The following TMCC3 variants were observed in gnomAD, a reference collection of about 807,000 sequenced individuals.
TMCC3 encodes transmembrane and coiled-coil domain family 3.
In TMCC3, 28 loss-of-function variants were observed where a neutral mutation model predicts 40.2. The ratio of observed to expected loss-of-function variants is 0.70; its 90% CI spans 0.52 to 0.95. The LOEUF is 0.95. Ranked by LOEUF, TMCC3 falls within the 40% of genes least tolerant of loss-of-function variation. TMCC3 has a pLI of 0.00. For synonymous variants in TMCC3, 255 were observed against 248.5 expected, an observed-to-expected ratio of 1.03 and a Z score of -0.25; for missense variants, 554 against 615.2, an observed-to-expected ratio of 0.90 and a Z score of 1.05.
chr12:94,572,572 C>T (rs541528907), intron 3 of TMCC3, among the ~76,000 whole-genome samples: 76 of 148,462 alleles, frequency 5.1e-4, no homozygotes, highest in African/African-American at 1.9e-3. Flanking sequence ...TGGCCTCCCA[C>T]AGTGGTGGAA....
chr12:94,644,501 C>T (rs967510220), intron 1 of TMCC3: 22 of 925,706 alleles, frequency 2.4e-5, no homozygotes, highest in Non-Finnish European at 2.6e-5. Flanking sequence ...ATGTGACAGG[C>T]GGGTGAGCTG....
At chr12:94,640,868 G>C (rs1168283328) in intron 1 of TMCC3, among the ~76,000 whole-genome samples, 1 of 152,142 alleles carries the variant, frequency 6.6e-6, no homozygotes, top group Admixed American at 6.5e-5. Context: ...GGGATGTTGG[G>C]GGCAACGAGG....
At chr12:94,637,922 A>G (rs1285468975) in intron 1 of TMCC3, among the ~76,000 whole-genome samples, 1 of 152,212 alleles carries the variant, frequency 6.6e-6, no homozygotes. Flanking sequence ...ACTATGTCCA[A>G]TGCTCCATGC....
intron 2 of TMCC3, 38 bp downstream of exon 2, chr12:94,581,584 A>C: frequency 8.0e-7 from 1 of 1,254,694 alleles, no homozygotes; most frequent in Non-Finnish European, 1.0e-6. Context: ...TAAATAAATA[A>C]AAAATAAAAA....
chr12:94,621,919 T>A (rs763811973), intron 1 of TMCC3, among the ~76,000 whole-genome samples: 4 of 152,146 alleles, frequency 2.6e-5, no homozygotes, highest in Non-Finnish European at 5.9e-5. Context: ...CATGGTAAAG[T>A]GTCCAACGTC....
intron 1 of TMCC3, among the ~76,000 whole-genome samples, chr12:94,602,729 AG>A (rs1387583832): frequency 7.9e-5 from 12 of 152,280 alleles, no homozygotes; most frequent in African/African-American, 2.9e-4. Context: ...CCGAGGCTAC[AG>A]GAGTGCACCA....
At chr12:94,592,446 C>T (rs2068682178) in intron 1 of TMCC3, among the ~76,000 whole-genome samples, 1 of 149,798 alleles carries the variant, frequency 6.7e-6, no homozygotes, top group African/African-American at 2.5e-5. Context: ...TTGAGACCAG[C>T]CTGGCCTACA....
At chr12:94,603,305 C>T (rs572448795) in intron 1 of TMCC3, among the ~76,000 whole-genome samples, 14 of 152,070 alleles carry the variant, frequency 9.2e-5, no homozygotes, top group African/African-American at 3.1e-4. Context: ...TTAGTACAGA[C>T]GGGGTTTTGC....
intron 1 of TMCC3, among the ~76,000 whole-genome samples, chr12:94,622,266 T>C (rs918990836): frequency 6.6e-6 from 1 of 152,152 alleles, no homozygotes; most frequent in East Asian, 1.9e-4. Context: ...TTGGAAAGCA[T>C]CCAGCAAGCT....
chr12:94,619,859 A>T (rs774580220), intron 1 of TMCC3, among the ~76,000 whole-genome samples: 5 of 152,212 alleles, frequency 3.3e-5, no homozygotes, highest in Admixed American at 6.5e-5. Flanking sequence ...TTCTGTAAAG[A>T]CACATAAGAA....
At chr12:94,599,133 T>C (rs541119338) in intron 1 of TMCC3, among the ~76,000 whole-genome samples, 1 of 152,338 alleles carries the variant, frequency 6.6e-6, no homozygotes, top group Admixed American at 6.5e-5. Context: ...CAAGTTACTT[T>C]CTCTATGCTT....
chr12:94,643,011 T>C (rs2068999405), intron 1 of TMCC3, among the ~76,000 whole-genome samples: 1 of 151,838 alleles, frequency 6.6e-6, no homozygotes, highest in African/African-American at 2.4e-5. Flanking sequence ...GCCAACATAG[T>C]GAAACCCCGT....
In TMCC3 at chr12:94,594,218, C is replaced by T. The variant is rs113465489; in HGVS notation, c.79-11680G>A. On this transcript the variant is annotated intron_variant, in intron 1 of 3. Coordinates refer to ENST00000261226, the MANE Select transcript of TMCC3 (RefSeq NM_020698.4). ...ATTTAAATATATATATATATATATACACACACACACACACAGAGTGAGAGA... is the reference window on the plus strand; with the variant it reads ...ATTTAAATATATATATATATATATATACACACACACACACAGAGTGAGAGA... Among the ~76,000 whole-genome samples the T allele has an allele frequency of 9.9e-3, 1,082 of 108,826 alleles. 17 individuals carry two copies. Among genetic ancestry groups the T allele is most frequent in the African/African-American group, 0.036 (995 of 27,486 alleles). The allele number at this position is 108,826 out of a possible 152,430, so 71.4% of individuals were successfully genotyped here. A position where few individuals can be genotyped will look rare whatever the true frequency, so the allele number is the denominator to read the frequency against.
intron 1 of TMCC3, among the ~76,000 whole-genome samples, chr12:94,595,471 T>C (rs1394136580): frequency 6.6e-6 from 1 of 152,200 alleles, no homozygotes; most frequent in East Asian, 1.9e-4. Context: ...AGCCAGGAAA[T>C]AGCGTTTGGT....
intron 1 of TMCC3, among the ~76,000 whole-genome samples, chr12:94,650,141 C>T (rs1411606983): frequency 2.0e-5 from 3 of 152,100 alleles, no homozygotes; most frequent in Non-Finnish European, 2.9e-5. Flanking sequence ...GAGGGGCAGG[C>T]GGACCTGGGA....
intron 1 of TMCC3, among the ~76,000 whole-genome samples, chr12:94,584,001 C>T (rs1407797430): frequency 6.6e-6 from 1 of 152,036 alleles, no homozygotes; most frequent in African/African-American, 2.4e-5. Context: ...AGACAATATT[C>T]AGCATGTTAC....
intron 1 of TMCC3, 76 bp from the exon 2 acceptor site, chr12:94,582,614 A>C (rs956313436): frequency 2.3e-6 from 3 of 1,300,488 alleles, no homozygotes; most frequent in Non-Finnish European, 3.2e-6. Flanking sequence ...CTATGCACAT[A>C]CAAGATACAT....
intron 2 of TMCC3, among the ~76,000 whole-genome samples, chr12:94,579,110 G>C (rs1439666584): frequency 1.3e-5 from 2 of 152,206 alleles, no homozygotes; most frequent in Non-Finnish European, 2.9e-5. Flanking sequence ...ATTATAGATG[G>C]TTCATCATGC....
At chr12:94,600,910 C>A (rs774585908) in intron 1 of TMCC3, among the ~76,000 whole-genome samples, 1 of 152,212 alleles carries the variant, frequency 6.6e-6, no homozygotes, top group Non-Finnish European at 1.5e-5. Flanking sequence ...CGCAGTATCA[C>A]TGAGCAGCAA....
Sources: allele counts gnomAD v4.1 joint callset (sites outside exome capture counted in the v4.1 genomes callset), GRCh38; gene constraint gnomAD v4.1.1; transcripts MANE v1.5; gene names NCBI Gene and HGNC (gene_info 2026-07-23, HGNC 2026-07-21).